Variants in FAM53B observed in about 807,000 individuals in gnomAD.
FAM53B encodes the protein family with sequence similarity 53 member B, also known as protein FAM53B.
A neutral mutation model predicts 32.7 loss-of-function variants in FAM53B; 12 were observed. That is an observed-to-expected ratio of 0.37 (90% confidence interval 0.24 to 0.59). The LOEUF (loss-of-function observed/expected upper bound fraction) is 0.59, where lower values mean the gene tolerates loss of function less well. Among genes scored for constraint, FAM53B ranks in the 20% least tolerant of loss-of-function variants. The pLI, the probability that FAM53B is intolerant of heterozygous loss-of-function variation, is 0.72. For missense variants in FAM53B, 477 were observed against 577.7 expected, an observed-to-expected ratio of 0.83 and a Z score of 1.79; for synonymous variants, 234 against 228.7, an observed-to-expected ratio of 1.02 and a Z score of -0.21.
At chr10:124,634,635 G>T (rs1949415177) in intron 4 of FAM53B, among the ~76,000 whole-genome samples, 1 of 152,166 alleles carries the variant, frequency 6.6e-6, no homozygotes, top group African/African-American at 2.4e-5. Flanking sequence ...CCGGCCATGT[G>T]GAACTGTGAG....
intron 4 of FAM53B, among the ~76,000 whole-genome samples, chr10:124,645,845 G>C (rs61870504): frequency 0.045 from 6,884 of 152,266 alleles, 218 homozygotes; most frequent in Non-Finnish European, 0.074. Flanking sequence ...AGGGTAAACA[G>C]CCTGTCCCGG....
intron 4 of FAM53B, among the ~76,000 whole-genome samples, chr10:124,664,502 C>T (rs1949656165): frequency 6.6e-6 from 1 of 152,226 alleles, no homozygotes; most frequent in Non-Finnish European, 1.5e-5. Flanking sequence ...TGCCTTTCTA[C>T]CAGGGGCTAC....
intron 4 of FAM53B, among the ~76,000 whole-genome samples, chr10:124,664,202 C>A (rs990350069): frequency 2.0e-5 from 3 of 152,028 alleles, no homozygotes; most frequent in African/African-American, 7.2e-5. Flanking sequence ...TAGGGCTGGC[C>A]CCCAGGGCTG....
At chr10:124,662,727 G>A (rs1320354259) in intron 4 of FAM53B, among the ~76,000 whole-genome samples, 1 of 152,196 alleles carries the variant, frequency 6.6e-6, no homozygotes, top group African/African-American at 2.4e-5. Context: ...GGGAGGCTGA[G>A]GTGGGAGGAT....
At chr10:124,735,531 C>A (rs569791248) in intron 1 of FAM53B, among the ~76,000 whole-genome samples, 5 of 152,354 alleles carry the variant, frequency 3.3e-5, no homozygotes, top group East Asian at 1.9e-4. Flanking sequence ...AGAAAAGGCT[C>A]TATCCGCCCC....
intron 4 of FAM53B, among the ~76,000 whole-genome samples, chr10:124,634,988 C>G (rs1949419169): frequency 6.6e-6 from 1 of 152,094 alleles, no homozygotes; most frequent in Non-Finnish European, 1.5e-5. Context: ...AAACAAAGAA[C>G]AAATTAGTAA....
chr10:124,642,015 C>T (rs964815955), intron 4 of FAM53B, among the ~76,000 whole-genome samples: 2 of 152,346 alleles, frequency 1.3e-5, no homozygotes, highest in East Asian at 1.9e-4. Flanking sequence ...AAAGCAGGTA[C>T]ACAACTGAAC....
chr10:124,637,886 A>G (rs556469537), intron 4 of FAM53B, among the ~76,000 whole-genome samples: 1 of 152,248 alleles, frequency 6.6e-6, no homozygotes, highest in East Asian at 1.9e-4. Flanking sequence ...CAAAGCCTCC[A>G]TGGAGCCTCT....
chr10:124,710,095 G>A (rs888753599), intron 1 of FAM53B, among the ~76,000 whole-genome samples: 1 of 152,248 alleles, frequency 6.6e-6, no homozygotes, highest in African/African-American at 2.4e-5. Context: ...TATGGGAACG[G>A]TGAGCGTGCT....
chr10:124,653,549 C>T lies in FAM53B; in HGVS notation c.906+28058G>A, dbSNP rs909004429. 5.3e-5 allele frequency among the ~76,000 whole-genome samples: 8 copies of T among 152,342 alleles called. No homozygotes were observed. In the East Asian group the frequency reaches 7.7e-4, roughly 15 times the overall value. On this transcript the variant is annotated intron_variant, in intron 4 of 4. Coordinates refer to ENST00000337318, the MANE Select transcript of FAM53B (RefSeq NM_014661.4). ...CCTGCCAGGACACTGGCCCAGCTGA[C>T]GGCACTCATCTGTAGGGCAAAGAGG...
intron 4 of FAM53B, among the ~76,000 whole-genome samples, chr10:124,627,079 A>T (rs1452387651): frequency 6.6e-6 from 1 of 152,190 alleles, no homozygotes; most frequent in Non-Finnish European, 1.5e-5. Flanking sequence ...AATTCCGTTG[A>T]CTCAAAACAG....
chr10:124,699,008 C>A (rs534792573), intron 2 of FAM53B, among the ~76,000 whole-genome samples: 40 of 152,204 alleles, frequency 2.6e-4, no homozygotes, highest in Non-Finnish European at 4.4e-4. Context: ...GGGCTTTGTG[C>A]CGGGATCTTC....
intron 4 of FAM53B, among the ~76,000 whole-genome samples, chr10:124,636,013 G>C (rs1048860531): frequency 3.9e-5 from 6 of 152,214 alleles, no homozygotes; most frequent in Admixed American, 3.9e-4. Flanking sequence ...AGATGGGAGA[G>C]ATGGGGCAAG....
intron 4 of FAM53B, among the ~76,000 whole-genome samples, chr10:124,633,295 T>G (rs1949404060): frequency 7.1e-6 from 1 of 141,562 alleles, no homozygotes; most frequent in Non-Finnish European, 1.5e-5. Context: ...ACTGAACAAA[T>G]AGAAATAAAT....
intron 1 of FAM53B, among the ~76,000 whole-genome samples, chr10:124,739,890 C>G (rs537188068): frequency 6.6e-6 from 1 of 152,118 alleles, no homozygotes; most frequent in African/African-American, 2.4e-5. Flanking sequence ...TCTCGGGTTC[C>G]TAAGGCTGCT....
intron 1 of FAM53B, among the ~76,000 whole-genome samples, chr10:124,729,586 T>C (rs1330934768): frequency 1.3e-5 from 2 of 152,234 alleles, no homozygotes; most frequent in Non-Finnish European, 2.9e-5. Flanking sequence ...GTTTCCATCC[T>C]GATTACAGAG....
intron 4 of FAM53B, among the ~76,000 whole-genome samples, chr10:124,626,397 C>A (rs3781474): frequency 2.1e-5 from 3 of 146,280 alleles, no homozygotes; most frequent in Admixed American, 1.3e-4. Flanking sequence ...TGCCCCCCCC[C>A]CCCCCACCAT....
At chr10:124,643,015 C>T (rs1433017336) in intron 4 of FAM53B, among the ~76,000 whole-genome samples, 2 of 152,220 alleles carry the variant, frequency 1.3e-5, no homozygotes, top group African/African-American at 2.4e-5. Flanking sequence ...GAGGCAGAAT[C>T]GCTCACATAT....
At chr10:124,679,739 C>T (rs1319597931) in intron 4 of FAM53B, among the ~76,000 whole-genome samples, 2 of 152,270 alleles carry the variant, frequency 1.3e-5, no homozygotes, top group African/African-American at 4.8e-5. Flanking sequence ...AGGCTCCGCA[C>T]ACCTTCCCAG....
Sources: allele counts gnomAD v4.1 joint callset (sites outside exome capture counted in the v4.1 genomes callset), GRCh38; gene constraint gnomAD v4.1.1; transcripts MANE v1.5; gene names NCBI Gene and HGNC (gene_info 2026-07-23, HGNC 2026-07-21).